FAT3: variants seen among roughly 807,000 people sequenced by gnomAD.
FAT3 encodes the protein protocadherin Fat 3.
In FAT3, 95 loss-of-function variants were observed where a neutral mutation model predicts 310.2. The observed-to-expected ratio is 0.31, with a 90% CI of 0.26 to 0.36. The LOEUF is 0.36. Ranked by LOEUF, FAT3 falls within the 10% of genes least tolerant of loss-of-function variation. The pLI, the probability that FAT3 is intolerant of heterozygous loss-of-function variation, is 1.00. For synonymous variants in FAT3, 2,314 were observed against 2,192.9 expected (o/e 1.06, Z -1.54); for missense variants, 5,408 against 5,715.6 (o/e 0.95, Z 1.74).
intron 2 of FAT3, among the ~76,000 whole-genome samples, chr11:92,475,745 A>G (rs1057142279): frequency 6.6e-6 from 1 of 152,206 alleles, no homozygotes; most frequent in Non-Finnish European, 1.5e-5. Context: ...AAAAGTTTTA[A>G]TTATCATTGG....
chr11:92,430,442 C>A (rs955018410), intron 2 of FAT3, among the ~76,000 whole-genome samples: 12 of 152,158 alleles, frequency 7.9e-5, no homozygotes, highest in South Asian at 2.1e-4. Flanking sequence ...CCGCCTTTTG[C>A]ACTGTTTTTT....
Position 92,739,271 on chromosome 11 carries a change from C to G in FAT3, c.3670-22585C>G, listed in dbSNP as rs181294958. 1.7e-4 allele frequency among the ~76,000 whole-genome samples: 26 copies of G among 152,306 alleles called. 1 individual carries two copies. The East Asian group carries it at 4.2e-3, about 25-fold the overall frequency. On this transcript the variant is annotated intron_variant, in intron 4 of 27. Coordinates refer to ENST00000525166, the MANE Select transcript of FAT3 (RefSeq NM_001367949.2). The stretch of plus-strand genomic sequence containing the variant: ...CTTCAGCTGCTGGTGATGCAATGAC[C>G]TGATACCTCATGCAATCTTTTTGTT...
At chr11:92,528,047 A>G (rs1449688924) in intron 3 of FAT3, among the ~76,000 whole-genome samples, 1 of 152,230 alleles carries the variant, frequency 6.6e-6, no homozygotes, top group Non-Finnish European at 1.5e-5. Flanking sequence ...CGCCAACGCA[A>G]ATAATGCCAA....
At chr11:92,405,712 C>T in intron 2 of FAT3, among the ~76,000 whole-genome samples, 1 of 152,182 alleles carries the variant, frequency 6.6e-6, no homozygotes, top group East Asian at 1.9e-4. Context: ...GATTACACCA[C>T]TGCACTCTAG....
At chr11:92,829,501 A>G (rs926099695) in intron 13 of FAT3, among the ~76,000 whole-genome samples, 2 of 152,182 alleles carry the variant, frequency 1.3e-5, no homozygotes, top group African/African-American at 4.8e-5. Context: ...CACACAACCT[A>G]TTCTGACACC....
intron 4 of FAT3, among the ~76,000 whole-genome samples, chr11:92,724,398 A>C (rs1391047170): frequency 2.6e-5 from 4 of 152,216 alleles, no homozygotes; most frequent in Non-Finnish European, 1.5e-5. Context: ...TGGTCAAAGC[A>C]AGTTACTAAG....
chr11:92,761,465 A>C (rs915725761), intron 4 of FAT3, among the ~76,000 whole-genome samples: 3 of 152,212 alleles, frequency 2.0e-5, no homozygotes, highest in Non-Finnish European at 4.4e-5. Context: ...TCCAAGGTCA[A>C]CATTCCAGCA....
At chr11:92,299,693 A>G (rs1946942839) in intron 1 of FAT3, among the ~76,000 whole-genome samples, 1 of 152,160 alleles carries the variant, frequency 6.6e-6, no homozygotes, top group African/African-American at 2.4e-5. Context: ...TATGTCTCAT[A>G]TCTTAAAAAG....
rs1948649469 is a variant in FAT3, at chr11:92,353,972, A to G, written c.1860A>G (p.Glu620=). ...LVKYKIISGN[E]LGFFYLNPDS... ...AGTACAAAATCATTTCTGGAAATGA[A>G]CTTGGCTTCTTTTATTTAAACCCAG... The change falls in exon 2 of 28, where the codon GAA becomes GAG. Residue 620 remains glutamate (E), a synonymous_variant. Coordinates refer to ENST00000525166, the MANE Select transcript of FAT3 (RefSeq NM_001367949.2). 2 of 1,612,832 alleles carry G rather than the reference A, an allele frequency of 1.2e-6. No homozygotes were observed. Among genetic ancestry groups the G allele is most frequent in the East Asian group, 2.2e-5 (1 of 44,846 alleles).
intron 2 of FAT3, among the ~76,000 whole-genome samples, chr11:92,465,200 A>G (rs1456861621): frequency 6.6e-6 from 1 of 152,216 alleles, no homozygotes; most frequent in Non-Finnish European, 1.5e-5. Flanking sequence ...TTTTTCCCGT[A>G]CATGTGAAAA....
At chr11:92,851,218 G>C (rs1306733666) in intron 19 of FAT3, among the ~76,000 whole-genome samples, 3 of 152,118 alleles carry the variant, frequency 2.0e-5, no homozygotes, top group Non-Finnish European at 4.4e-5. Context: ...GATCAAAAAA[G>C]GACAACAAGG....
intron 2 of FAT3, among the ~76,000 whole-genome samples, chr11:92,413,102 C>T (rs1411841291): frequency 6.6e-6 from 1 of 152,170 alleles, no homozygotes; most frequent in Non-Finnish European, 1.5e-5. Flanking sequence ...CTTCCTTCTA[C>T]ACCCCAACCC....
chr11:92,671,099 C>T (rs753799465), intron 3 of FAT3, among the ~76,000 whole-genome samples: 9 of 151,780 alleles, frequency 5.9e-5, no homozygotes, highest in Admixed American at 1.3e-4. Flanking sequence ...GGCTGGAGTG[C>T]GGTGGTGCAA....
intron 1 of FAT3, among the ~76,000 whole-genome samples, chr11:92,262,839 G>A (rs1865614066): frequency 6.6e-6 from 1 of 152,104 alleles, no homozygotes; most frequent in Non-Finnish European, 1.5e-5. Flanking sequence ...GCAAGTGGTT[G>A]CAAATGGCTC....
chr11:92,680,506 T>C (rs2135855406), intron 3 of FAT3, among the ~76,000 whole-genome samples: 1 of 152,384 alleles, frequency 6.6e-6, no homozygotes, highest in African/African-American at 2.4e-5. Context: ...TTTGGTTTAC[T>C]ATAACCTTGT....
chr11:92,501,591 G>A (rs1246593879), intron 2 of FAT3, among the ~76,000 whole-genome samples: 2 of 151,946 alleles, frequency 1.3e-5, no homozygotes, highest in African/African-American at 2.4e-5. Flanking sequence ...TGGGAAGTGC[G>A]TGTGTGTGGG....
rs145564473 is a variant in FAT3 at position 92,796,033 on chromosome 11, C to G, written c.4823-1803C>G. ...GTGAGGGAGGACTTACCTAGAAACT[C>G]TGCAGTCGGGCACCATAATCAGTGA... On this transcript the variant is annotated intron_variant, in intron 9 of 27. Transcript: ENST00000525166. Among the ~76,000 whole-genome samples, 10 of 152,214 alleles carry G rather than the reference C, an allele frequency of 6.6e-5. No homozygotes were observed. The East Asian group carries it at 1.9e-3, about 29-fold the overall frequency.
At chr11:92,637,247 G>A (rs1296306635) in intron 3 of FAT3, among the ~76,000 whole-genome samples, 1 of 152,192 alleles carries the variant, frequency 6.6e-6, no homozygotes, top group East Asian at 1.9e-4. Flanking sequence ...TTGAGTATTG[G>A]TTAGAGAAGA....
chr11:92,705,957 TGTGATGGTGATGGTAGTGGCA>T (rs1944329164), intron 4 of FAT3, among the ~76,000 whole-genome samples: 2 of 64,584 alleles, frequency 3.1e-5, no homozygotes, highest in Non-Finnish European at 6.4e-5. Flanking sequence ...GTGTGGTGGT[TGTGATGGTGATGGTAGTGGCA>T]GTGATGGTGA....
Sources: gnomAD v4.1 joint callset for allele counts (sites outside exome capture counted in the v4.1 genomes callset) on GRCh38, gnomAD v4.1.1 for gene constraint, MANE v1.5 for transcripts, NCBI Gene and HGNC (gene_info 2026-07-23, HGNC 2026-07-21) for gene names.